Variants in MEIOC observed in about 807,000 individuals in gnomAD.
MEIOC encodes meiosis specific with coiled-coil domain, also known as meiosis-specific coiled-coil domain-containing protein MEIOC.
A neutral mutation model predicts 85.3 loss-of-function variants in MEIOC; 9 were observed. That is an observed-to-expected ratio of 0.11 (90% CI 0.06 to 0.18). The LOEUF (loss-of-function observed/expected upper bound fraction) is 0.18, where lower values mean the gene tolerates loss of function less well. Among genes scored for constraint, MEIOC ranks in the 10% least tolerant of loss-of-function variants. The pLI is 1.00. For synonymous variants in MEIOC, 365 were observed against 393.7 expected, an observed-to-expected ratio of 0.93 and a Z score of 0.86; for missense variants, 898 against 1,129.4, an observed-to-expected ratio of 0.80 and a Z score of 2.94.
intron 3 of MEIOC, among the ~76,000 whole-genome samples, chr17:44,664,583 A>T (rs1373933963): frequency 6.6e-6 from 1 of 152,176 alleles, no homozygotes; most frequent in Non-Finnish European, 1.5e-5. Context: ...AGTATAATGT[A>T]TATTTCCAGA....
intron 2 of MEIOC, among the ~76,000 whole-genome samples, chr17:44,658,935 C>A (rs1052425342): frequency 6.7e-6 from 1 of 149,998 alleles, no homozygotes. Context: ...TGTTTTTTTT[C>A]GTTCAGGCAT....
At position 44,674,111 on chromosome 17, in the gene MEIOC, A is replaced by T. The variant is rs1317698691; in HGVS notation, c.2774A>T (p.Asp925Val). 6.4e-7 allele frequency: 1 copy of T among 1,551,642 alleles called. No homozygotes were observed. Among genetic ancestry groups the T allele is most frequent in the African/African-American group, 1.4e-5 (1 of 73,048 alleles). The change falls in exon 8 of 8, where the codon GAT (aspartate) becomes GTT (valine). Residue 925 changes from aspartate (D) to valine (V), a missense_variant. By Grantham distance (152) the Asp-to-Val change is radical. Coordinates refer to ENST00000409122, the MANE Select transcript of MEIOC (RefSeq NM_001145080.3). ...STADVVKPLQ[D>V]TVNCEDKVHE... ...GCTGATGTGGTAAAGCCTTTACAAG[A>T]TACAGTAAACTGTGAAGATAAAGTC... is the stretch of plus-strand genomic sequence containing the variant.
downstream of MEIOC, chr17:44,675,849 C>T (rs1307089405): frequency 2.8e-5 from 20 of 715,242 alleles, no homozygotes; most frequent in Non-Finnish European, 3.4e-5. Context: ...TTAAGAGTCA[C>T]TCATATCAGA....
At chr17:44,663,853 G>A (rs1405067659) in intron 3 of MEIOC, among the ~76,000 whole-genome samples, 2 of 151,990 alleles carry the variant, frequency 1.3e-5, no homozygotes, top group Non-Finnish European at 2.9e-5. Context: ...GTAGTAGTTT[G>A]GCAAGTCATA....
Position 44,657,082 on chromosome 17 carries a change from C to G in MEIOC, c.70-45C>G, listed in dbSNP as rs1438179872. 3.3e-6 allele frequency: 5 copies of G among 1,525,956 alleles called. No homozygotes were observed. The East Asian group carries it at 1.2e-4, about 38-fold the overall frequency. 94.5% of individuals were successfully genotyped at this position (1,525,956 alleles called of 1,614,324 possible). ...TCGGGCCGTTTCAGCTCCGGCGTCA[C>G]CCTCGTGACCACTTTCTGATATTTC... On this transcript the variant is annotated intron_variant, in intron 1 of 7. Coordinates refer to ENST00000409122, the MANE Select transcript of MEIOC (RefSeq NM_001145080.3).
At chr17:44,664,392 A>C (rs961434372) in intron 3 of MEIOC, among the ~76,000 whole-genome samples, 6 of 152,034 alleles carry the variant, frequency 3.9e-5, no homozygotes, top group African/African-American at 1.4e-4. Context: ...ATAAACAAAC[A>C]AACCAACAAA....
intron 5 of MEIOC, among the ~76,000 whole-genome samples, chr17:44,668,898 G>A (rs558454973): frequency 2.6e-5 from 4 of 152,208 alleles, no homozygotes; most frequent in African/African-American, 7.2e-5. Flanking sequence ...GTATACTCAG[G>A]TATTTTATTT....
intron 6 of MEIOC, chr17:44,670,771 TCAAG>T (rs1971996139): frequency 8.0e-6 from 1 of 124,256 alleles, no homozygotes; most frequent in Non-Finnish European, 1.9e-5. Flanking sequence ...ACTCCTGAGC[TCAAG>T]CAATCCACCT....
At chr17:44,663,818 T>TA (rs1971872753) in intron 3 of MEIOC, among the ~76,000 whole-genome samples, 2 of 152,156 alleles carry the variant, frequency 1.3e-5, no homozygotes, top group East Asian at 1.9e-4. Flanking sequence ...GTATTGGACT[T>TA]ACAGGGAGAC....
chr17:44,657,521 A>C (rs976179912), intron 2 of MEIOC, among the ~76,000 whole-genome samples: 8 of 149,730 alleles, frequency 5.3e-5, no homozygotes, highest in Non-Finnish European at 1.0e-4. Context: ...GGCACGCGCC[A>C]CCACGCCCGG....
At position 44,665,430 on chromosome 17, in the gene MEIOC, G is replaced by A; in HGVS notation, c.406G>A (p.Gly136Arg). The A allele has an allele frequency of 6.5e-7, 1 of 1,545,362 alleles. No individual in the cohort carries two copies. Among genetic ancestry groups the A allele is most frequent in the African/African-American group, 1.4e-5 (1 of 73,056 alleles). Residue 136 changes from glycine (G) to arginine (R), a missense_variant, in exon 4 of 8, where the codon GGA becomes AGA. Transcript: ENST00000409122. ...CTATGGCAGTGAAACAGACTTATATGGACTTGTGTCTAACATTTTGGAAGA... is the reference window on the plus strand; with the variant it reads ...CTATGGCAGTGAAACAGACTTATATAGACTTGTGTCTAACATTTTGGAAGA... ...NDYGSETDLY[G>R]LVSNILEEQD...
chr17:44,667,093 T>C lies in MEIOC; in HGVS notation c.1182T>C (p.Phe394=). ...TCCCTGATCAGCAGAATTTCACATTTCCAAAAACTACGCCACATCTGACAG... is the reference window on the plus strand; with the variant it reads ...TCCCTGATCAGCAGAATTTCACATTCCCAAAAACTACGCCACATCTGACAG... The part of the protein sequence containing the change: ...ETIPDQQNFT[F]PKTTPHLTEK... Residue 394 remains phenylalanine, a synonymous_variant, in exon 5 of 8, where the codon TTT becomes TTC. Coordinates refer to ENST00000409122, the MANE Select transcript of MEIOC (RefSeq NM_001145080.3). 1.2e-6 allele frequency: 2 copies of C among 1,613,694 alleles called. No individual in the cohort carries two copies. Among genetic ancestry groups the C allele is most frequent in the Non-Finnish European group, 1.7e-6 (2 of 1,179,750 alleles).
chr17:44,663,855 C>A (rs1176980084), intron 3 of MEIOC, among the ~76,000 whole-genome samples: 1 of 152,044 alleles, frequency 6.6e-6, no homozygotes, highest in African/African-American at 2.4e-5. Flanking sequence ...AGTAGTTTGG[C>A]AAGTCATATA....
intron 6 of MEIOC, chr17:44,673,116 T>C: frequency 2.6e-6 from 1 of 381,752 alleles, no homozygotes; most frequent in Non-Finnish European, 4.7e-6. Flanking sequence ...TGTTTGAATA[T>C]TTAACATTTT....
chr17:44,660,015 C>A (rs983646134), intron 2 of MEIOC, among the ~76,000 whole-genome samples: 1 of 151,942 alleles, frequency 6.6e-6, no homozygotes, highest in African/African-American at 2.4e-5. Flanking sequence ...AGAACTTAAA[C>A]AAATGGTTGT....
At chr17:44,676,582 G>A (rs1476425965), downstream of MEIOC, among the ~76,000 whole-genome samples, 1 of 152,120 alleles carries the variant, frequency 6.6e-6, no homozygotes, top group Non-Finnish European at 1.5e-5. Flanking sequence ...CAGCACTTTG[G>A]GAGGCTGAGG....
chr17:44,673,885 C>A, intron 7 of MEIOC, 91 bp from the exon 8 acceptor site: 1 of 1,389,702 alleles, frequency 7.2e-7, no homozygotes, highest in South Asian at 1.4e-5. Context: ...AACATTTGAT[C>A]ATTTAGTAGC....
intron 3 of MEIOC, among the ~76,000 whole-genome samples, chr17:44,664,050 A>AATTTGAAATATGAAAATATG (rs1283856071): frequency 1.3e-5 from 2 of 152,188 alleles, no homozygotes; most frequent in Non-Finnish European, 2.9e-5. Context: ...GAAATATGAA[A>AATTTGAAATATGAAAATATG]AAACCGGAAG....
At chr17:44,661,665 C>G (rs1340723448) in intron 2 of MEIOC, among the ~76,000 whole-genome samples, 3 of 152,012 alleles carry the variant, frequency 2.0e-5, no homozygotes, top group African/African-American at 7.2e-5. Context: ...CATTCTCCTG[C>G]CTCAGCCTCC....
Sources: allele counts gnomAD v4.1 joint callset (sites outside exome capture counted in the v4.1 genomes callset), GRCh38; gene constraint gnomAD v4.1.1; transcripts MANE v1.5; gene names NCBI Gene and HGNC (gene_info 2026-07-23, HGNC 2026-07-21).